Variants in SLC34A1 observed in about 807,000 individuals in gnomAD.
The protein encoded by SLC34A1 is solute carrier family 34 member 1.
In SLC34A1, 57 loss-of-function variants were observed where a neutral mutation model predicts 51.4. The ratio of observed to expected loss-of-function variants is 1.11; its 90% confidence interval spans 0.90 to 1.38. The LOEUF (loss-of-function observed/expected upper bound fraction) is 1.38, where lower values mean the gene tolerates loss of function less well. SLC34A1 is among the 40% of genes most tolerant of loss of function. The pLI, the probability that SLC34A1 is intolerant of heterozygous loss-of-function variation, is 0.00. For synonymous variants in SLC34A1, 368 were observed against 358.0 expected (o/e 1.03, Z -0.32); for missense variants, 796 against 835.6 (o/e 0.95, Z 0.58).
At chr5:177,387,116 A>C (rs539340030) in intron 5 of SLC34A1, among the ~76,000 whole-genome samples, 3 of 152,122 alleles carry the variant, frequency 2.0e-5, no homozygotes, top group Non-Finnish European at 2.9e-5. Flanking sequence ...CATGCCTGTA[A>C]TCCCAGCACT....
chr5:177,390,514 C>A, intron 8 of SLC34A1: 1 of 336,248 alleles, frequency 3.0e-6, no homozygotes, highest in African/African-American at 2.3e-5. Context: ...AGAATCCTGA[C>A]TATCTCGTTG....
At position 177,393,889 on chromosome 5, in the gene SLC34A1, C is replaced by G. The variant is rs1244473274; in HGVS notation, c.1006+126C>G. ...GCATGGCTGTCAACTAGCCCAGCTC[C>G]TGAGCCTGGGTCAAGCTCCGGTGTT... On this transcript the variant is annotated intron_variant, in intron 9 of 12. Transcript: ENST00000324417. 3.6e-5 allele frequency: 54 copies of G among 1,487,216 alleles called. No homozygotes were observed. The East Asian group carries it at 1.1e-3, about 31-fold the overall frequency. 92.1% of individuals were successfully genotyped at this position (1,487,216 alleles called of 1,614,324 possible).
chr5:177,389,881 T>C (rs1374796319), intron 8 of SLC34A1: 1 of 1,445,408 alleles, frequency 6.9e-7, no homozygotes, highest in Admixed American at 2.6e-5. Context: ...CTGGTTTCTC[T>C]TCCTCACTCT....
At position 177,385,967 on chromosome 5, in the gene SLC34A1, T is replaced by A; in HGVS notation, c.110-20T>A. On this transcript the variant is annotated intron_variant, in intron 2 of 12. Coordinates refer to ENST00000324417, the MANE Select transcript of SLC34A1 (RefSeq NM_003052.5). ...CCCCACTTTGGGGCCCTGGGGCTCC[T>A]GACCAGGCTCCCTCCCTAGTCCTAC... The A allele has an allele frequency of 5.6e-6, 9 of 1,609,998 alleles. No homozygotes were observed. The highest frequency in any genetic ancestry group is 7.6e-6 in the Non-Finnish European group (9 of 1,179,566).
chr5:177,393,763 T>G lies in SLC34A1; in HGVS notation c.1006T>G (p.Cys336Gly), dbSNP rs876661338. 1 of 1,613,968 alleles carries G rather than the reference T, an allele frequency of 6.2e-7. No homozygotes were observed. Among genetic ancestry groups the G allele is most frequent in the Non-Finnish European group, 8.5e-7 (1 of 1,179,994 alleles). Reference protein sequence around the residue: ...QTLGNATMEKCNHIFVDTGLP... With the variant: ...QTLGNATMEKGNHIFVDTGLP... ...CCTTGGAAATGCCACCATGGAGAAA[T>G]GTAAGTGCCTGCAACATGGGAGGTG... The change falls in exon 9 of 13, where the codon TGC (cysteine) becomes GGC (glycine). Residue 336 changes from cysteine to glycine, a missense_variant and splice_region_variant. Physicochemically the swap from Cys to Gly is radical, Grantham distance 159 (BLOSUM62 -3). Transcript: ENST00000324417.
intron 12 of SLC34A1, 68 bp from the exon 13 acceptor site, chr5:177,397,715 C>T: frequency 6.3e-7 from 1 of 1,593,190 alleles, no homozygotes; most frequent in Non-Finnish European, 8.5e-7. Context: ...TATCATCTAC[C>T]CCTGCTGGCC....
intron 12 of SLC34A1, chr5:177,397,550 T>C (rs1581649876): frequency 1.7e-6 from 1 of 602,864 alleles, no homozygotes; most frequent in Non-Finnish European, 2.9e-6. Flanking sequence ...GTGGGGAAAA[T>C]GTGGGGAGCT....
chr5:177,388,652 G>C lies in SLC34A1; in HGVS notation c.936+280G>C, dbSNP rs2127348951. Among the ~76,000 whole-genome samples, 1 of 152,088 alleles carries C rather than the reference G, an allele frequency of 6.6e-6. No homozygotes were observed. The highest frequency in any genetic ancestry group is 1.9e-4 in the East Asian group (1 of 5,188). On this transcript the variant is annotated intron_variant, in intron 8 of 12. Transcript: ENST00000324417. This position sits in a 1 kb window ranked among gnomAD's most constrained non-coding sequence, Gnocchi z 4.3. The stretch of plus-strand genomic sequence containing the variant: ...AGGCCAGCATCTTGTGTGCCGTGTG[G>C]GAACCTATTAGAGATGCAAATCACC...
rs1561636759 is a variant in SLC34A1 at position 177,398,461 on chromosome 5, G to A, written c.*175G>A. On this transcript the variant is annotated 3_prime_UTR_variant, in exon 13 of 13. Coordinates refer to ENST00000324417, the MANE Select transcript of SLC34A1 (RefSeq NM_003052.5). The surrounding 1 kb of genome is among the most constrained non-coding windows in gnomAD (Gnocchi z 4.7). ...AGAGTGTCGGTGTGTGTGCATGTGT[G>A]GGGGTGAGTCTGCATGTGCACCTGT... 6.5e-6 allele frequency: 5 copies of A among 769,204 alleles called. No homozygotes were observed. In the East Asian group the frequency reaches 7.5e-5, roughly 12 times the overall value. 47.6% of individuals were successfully genotyped at this position (769,204 alleles called of 1,614,324 possible). A position where few individuals can be genotyped will look rare whatever the true frequency, so the allele number is the denominator to read the frequency against.
rs778889111 is a variant in SLC34A1 at position 177,385,896 on chromosome 5, C to T, written c.109+46C>T. On this transcript the variant is annotated intron_variant, in intron 2 of 12. Transcript: ENST00000324417. ...CTGGACCCTGGTTGCCCACGGTTGC[C>T]CACATCCCGGATGAGGCCACTTCCC... is the stretch of plus-strand genomic sequence containing the variant. 5 of 1,610,856 alleles carry T rather than the reference C, an allele frequency of 3.1e-6. No homozygotes were observed. The East Asian group carries it at 8.9e-5, about 29-fold the overall frequency.
intron 8 of SLC34A1, among the ~76,000 whole-genome samples, chr5:177,391,239 G>A (rs1561631597): frequency 2.0e-5 from 3 of 152,240 alleles, no homozygotes; most frequent in Middle Eastern, 3.4e-3. Context: ...GCTCCCTCCC[G>A]GCAGTTCACT....
rs2127354556 is a variant in SLC34A1 at position 177,396,117 on chromosome 5, T to C, written c.1175-616T>C. ...TTAAACTTCATGCACTGGGAGGGGC[T>C]GCATGACAAGTACTAGAATAAGGGG... On this transcript the variant is annotated intron_variant, in intron 10 of 12. Coordinates refer to ENST00000324417, the MANE Select transcript of SLC34A1 (RefSeq NM_003052.5). The surrounding 1 kb of genome is among the most constrained non-coding windows in gnomAD (Gnocchi z 4.0). 6.6e-6 allele frequency among the ~76,000 whole-genome samples: 1 copy of C among 152,212 alleles called. No homozygotes were observed. Among genetic ancestry groups the C allele is most frequent in the African/African-American group, 2.4e-5 (1 of 41,508 alleles).
intron 8 of SLC34A1, among the ~76,000 whole-genome samples, chr5:177,391,446 C>T (rs549661596): frequency 2.0e-5 from 3 of 152,352 alleles, no homozygotes; most frequent in East Asian, 3.9e-4. Flanking sequence ...CTCCAGCCTT[C>T]GCAGGGTCCC....
At position 177,386,104 on chromosome 5, in the gene SLC34A1, C is replaced by A. The variant is rs1489844776; in HGVS notation, c.227C>A (p.Ala76Asp). 1.2e-6 allele frequency: 2 copies of A among 1,613,372 alleles called. No individual in the cohort carries two copies. The highest frequency in any genetic ancestry group is 8.5e-7 in the Non-Finnish European group (1 of 1,179,598). The change falls in exon 3 of 13, where the codon GCC becomes GAC. Residue 76 changes from alanine to aspartate, a missense_variant. Coordinates refer to ENST00000324417, the MANE Select transcript of SLC34A1 (RefSeq NM_003052.5). The surrounding 1 kb of genome is among the most constrained non-coding windows in gnomAD (Gnocchi z 4.8). ...CTGGAGCGCCATGAACCACTGCCTG[C>A]CAAGCTGGCCCTGGAGGAGGAGCAG... ...EVLERHEPLP[A>D]KLALEEEQKP...
At chr5:177,395,279 T>C (rs1762922862) in intron 10 of SLC34A1, among the ~76,000 whole-genome samples, 1 of 152,196 alleles carries the variant, frequency 6.6e-6, no homozygotes, top group African/African-American at 2.4e-5. Flanking sequence ...AAAATGGCAG[T>C]GCAGTAGGGT....
Position 177,394,161 on chromosome 5 carries a change from A to G in SLC34A1, c.1140A>G (p.Gln380=). 1 of 1,614,086 alleles carries G rather than the reference A, an allele frequency of 6.2e-7. No individual in the cohort carries two copies. Among genetic ancestry groups the G allele is most frequent in the South Asian group, 1.1e-5 (1 of 91,088 alleles). The change falls in exon 10 of 13, where the codon CAA becomes CAG. Residue 380 remains glutamine, a synonymous_variant. Transcript: ENST00000324417. ...VKMLNSLLKG[Q]VAKVIQKVIN... is the part of the protein sequence containing the mutation. ...TGCTCAACTCCCTGCTCAAGGGCCA[A>G]GTGGCCAAGGTCATCCAGAAGGTCA... is the stretch of plus-strand genomic sequence containing the variant.
chr5:177,396,925 C>T lies in SLC34A1; in HGVS notation c.1292-25C>T. Reference sequence around the variant, plus strand: ...AGGGCCGAAGGAGACGCTGGGGGTCCCACTTCCTCTCCCTCTGTCCCCAGG... The same window carrying T: ...AGGGCCGAAGGAGACGCTGGGGGTCTCACTTCCTCTCCCTCTGTCCCCAGG... On this transcript the variant is annotated intron_variant, in intron 11 of 12. Transcript: ENST00000324417. The surrounding 1 kb of genome is among the most constrained non-coding windows in gnomAD (Gnocchi z 4.0). 6.2e-7 allele frequency: 1 copy of T among 1,614,118 alleles called. No individual in the cohort carries two copies.
chr5:177,398,595 C>G lies in SLC34A1; in HGVS notation c.*309C>G. On this transcript the variant is annotated 3_prime_UTR_variant, in exon 13 of 13. Transcript: ENST00000324417. The surrounding 1 kb of genome is among the most constrained non-coding windows in gnomAD (Gnocchi z 4.7). Reference sequence around the variant, plus strand: ...GCTGCAGGATATCTGGGTATGATTTCAGGTCCTCTGCACGTGTACACATGA... The same window carrying G: ...GCTGCAGGATATCTGGGTATGATTTGAGGTCCTCTGCACGTGTACACATGA... 2.0e-6 allele frequency: 1 copy of G among 510,098 alleles called. No homozygotes were observed. The highest frequency in any genetic ancestry group is 3.2e-5 in the Admixed American group (1 of 31,074). 31.6% of individuals were successfully genotyped at this position (510,098 alleles called of 1,614,324 possible).
At chr5:177,387,378 G>C (rs1249777753) in intron 5 of SLC34A1, among the ~76,000 whole-genome samples, 1 of 152,174 alleles carries the variant, frequency 6.6e-6, no homozygotes, top group East Asian at 1.9e-4. Context: ...CTGGGCGACA[G>C]AGCGAGACTC....
Sources: gnomAD v4.1 joint callset for allele counts (sites outside exome capture counted in the v4.1 genomes callset) on GRCh38, gnomAD v4.1.1 for gene constraint, Gnocchi (gnomAD v3.1) non-coding constraint, MANE v1.5 for transcripts, NCBI Gene and HGNC (gene_info 2026-07-23, HGNC 2026-07-21) for gene names.